PDE3A: variants seen among roughly 807,000 people sequenced by gnomAD.
PDE3A encodes the protein phosphodiesterase 3A, also known as cGMP-inhibited 3',5'-cyclic phosphodiesterase 3A.
PDE3A carries 43 observed loss-of-function variants against 98.3 expected under a neutral mutation model. The observed-to-expected ratio is 0.44, with a 90% confidence interval of 0.34 to 0.56. The LOEUF is 0.56. Among genes scored for constraint, PDE3A ranks in the 20% least tolerant of loss-of-function variants. The pLI, the probability that PDE3A is intolerant of heterozygous loss-of-function variation, is 0.01. For synonymous variants in PDE3A, 663 were observed against 567.9 expected, an observed-to-expected ratio of 1.17 and a Z score of -2.38; for missense variants, 1,427 against 1,440.7, an observed-to-expected ratio of 0.99 and a Z score of 0.15.
chr12:20,454,182 C>T lies in PDE3A; in HGVS notation c.960+83938C>T, dbSNP rs576960816. ...TCAGCTCCTGGCTCTTGCTTGAACC[C>T]GTTAAGCATATATCTTTACCTTGGA... On this transcript the variant is annotated intron_variant, in intron 1 of 15. Coordinates refer to ENST00000359062, the MANE Select transcript of PDE3A (RefSeq NM_000921.5). Among the ~76,000 whole-genome samples, 59 of 152,276 alleles carry T rather than the reference C, an allele frequency of 3.9e-4. 1 individual carries two copies. The highest frequency in any genetic ancestry group is 6.7e-4 in the African/African-American group (28 of 41,566).
At chr12:20,673,163 C>T (rs1017851125) in intron 15 of PDE3A, among the ~76,000 whole-genome samples, 8 of 152,166 alleles carry the variant, frequency 5.3e-5, no homozygotes, top group African/African-American at 1.9e-4. Context: ...CCATCTCACA[C>T]CATTTAGAAT....
chr12:20,563,125 G>T (rs961550200), intron 2 of PDE3A, among the ~76,000 whole-genome samples: 5 of 152,162 alleles, frequency 3.3e-5, no homozygotes, highest in African/African-American at 4.8e-5. Context: ...TTGATGAGGA[G>T]TCATTGTGCT....
At chr12:20,647,653 G>T (rs1467323079) in intron 12 of PDE3A, among the ~76,000 whole-genome samples, 1 of 151,874 alleles carries the variant, frequency 6.6e-6, no homozygotes, top group East Asian at 1.9e-4. Context: ...ATTCAATATT[G>T]ACTTTTCTGT....
chr12:20,396,587 G>A (rs10841504), intron 1 of PDE3A, among the ~76,000 whole-genome samples: 77,635 of 151,862 alleles, frequency 0.51, 20,837 homozygotes, highest in Non-Finnish European at 0.59. Context: ...AGATGATTGA[G>A]TATCAGTTTC....
At chr12:20,609,864 T>C (rs1479391111) in intron 2 of PDE3A, among the ~76,000 whole-genome samples, 1 of 151,970 alleles carries the variant, frequency 6.6e-6, no homozygotes, top group Non-Finnish European at 1.5e-5. Context: ...AATGAAATCG[T>C]ATGTTTATCT....
In PDE3A at chr12:20,369,945, G is replaced by T. The variant is rs1943434297; in HGVS notation, c.661G>T (p.Val221Phe). The change falls in exon 1 of 16, where the codon GTC becomes TTC. Residue 221 changes from valine to phenylalanine, a missense_variant. Val to Phe is a conservative substitution (Grantham distance 50). Transcript: ENST00000359062. ...CCTCATGATCGCCTTGACTAGCGCG[G>T]TCAGGACCGTGTCCCTCATTTCCTT... ...GVLMIALTSA[V>F]RTVSLISLER... 6.2e-7 allele frequency: 1 copy of T among 1,613,458 alleles called. No homozygotes were observed. The highest frequency in any genetic ancestry group is 8.5e-7 in the Non-Finnish European group (1 of 1,180,000).
chr12:20,667,808 G>A lies in PDE3A; in HGVS notation c.3185-12222G>A, dbSNP rs148780862. Among the ~76,000 whole-genome samples the A allele has an allele frequency of 2.8e-4, 42 of 152,220 alleles. No individual in the cohort carries two copies. The East Asian group carries it at 2.9e-3, about 11-fold the overall frequency. On this transcript the variant is annotated intron_variant, in intron 15 of 15. Coordinates refer to ENST00000359062, the MANE Select transcript of PDE3A (RefSeq NM_000921.5). ...TGTTTTTCCTGTTTTTCTGAATAAT[G>A]TATTGGTATTTTAAAAATAAAGATT...
chr12:20,670,384 A>G (rs1945439825), intron 15 of PDE3A, among the ~76,000 whole-genome samples: 1 of 150,798 alleles, frequency 6.6e-6, no homozygotes, highest in African/African-American at 2.5e-5. Context: ...CCCCAAATCA[A>G]TAGAATATAC....
chr12:20,457,504 T>G (rs1945172882), intron 1 of PDE3A, among the ~76,000 whole-genome samples: 1 of 151,854 alleles, frequency 6.6e-6, no homozygotes, highest in Admixed American at 6.6e-5. Context: ...TGTGTTTTAT[T>G]TTTCGTTGTA....
intron 1 of PDE3A, among the ~76,000 whole-genome samples, chr12:20,385,824 G>C (rs1339962711): frequency 2.0e-5 from 3 of 149,196 alleles, no homozygotes; most frequent in Non-Finnish European, 3.0e-5. Flanking sequence ...AGCATTAGGA[G>C]ATATACCTAA....
chr12:20,458,594 T>C (rs1945192450), intron 1 of PDE3A, among the ~76,000 whole-genome samples: 1 of 152,146 alleles, frequency 6.6e-6, no homozygotes, highest in Admixed American at 6.6e-5. Context: ...TTCACTACTA[T>C]AAGCAGAAAA....
chr12:20,648,696 A>C lies in PDE3A; in HGVS notation c.2574A>C (p.Leu858=). Residue 858 remains leucine, a synonymous_variant, in exon 13 of 16, where the codon CTA becomes CTC. Coordinates refer to ENST00000359062, the MANE Select transcript of PDE3A (RefSeq NM_000921.5). The part of the protein sequence containing the change: ...LVATSAPQAV[L]YNDRSVLENH... ...CTGTCTTATTTGCCTAGGCGGTGCT[A>C]TATAACGATCGTTCAGTTTTGGAGA... 1.9e-6 allele frequency: 3 copies of C among 1,602,314 alleles called. No individual in the cohort carries two copies. In the South Asian group the frequency reaches 3.3e-5, roughly 18 times the overall value.
chr12:20,569,127 AG>A (rs1337081481), intron 2 of PDE3A, among the ~76,000 whole-genome samples: 1 of 152,074 alleles, frequency 6.6e-6, no homozygotes, highest in Admixed American at 6.6e-5. Context: ...AAAAAAAGTA[AG>A]ATATTTTATT....
At chr12:20,660,499 G>C (rs56174957) in intron 15 of PDE3A, among the ~76,000 whole-genome samples, 7,336 of 151,642 alleles carry the variant, frequency 0.048, 333 homozygotes, top group African/African-American at 0.11. Context: ...GGAGATTGGA[G>C]GGTCATATGG....
rs753699193 is a variant in PDE3A, at chr12:20,369,804, G to C, written c.520G>C (p.Val174Leu). 3.1e-6 allele frequency: 5 copies of C among 1,612,382 alleles called. No homozygotes were observed. Among genetic ancestry groups the C allele is most frequent in the Admixed American group, 1.7e-5 (1 of 59,964 alleles). The stretch of plus-strand genomic sequence containing the variant: ...CGCCTGCTGCGGGGGGGAAGCGCTC[G>C]TCCAGATTGGGCTGGGCGTCGGGGA... ...LAACCGGEAL[V>L]QIGLGVGEDH... The change falls in exon 1 of 16, where the codon GTC becomes CTC. Residue 174 changes from valine (V) to leucine (L), a missense_variant. Val to Leu is a conservative substitution (Grantham distance 32). This residue lies in a region of PDE3A where 1,012 missense variants were observed against 886.5 expected (regional missense o/e 1.14). Transcript: ENST00000359062.
At chr12:20,415,355 AAG>A (rs1944404906) in intron 1 of PDE3A, among the ~76,000 whole-genome samples, 1 of 152,016 alleles carries the variant, frequency 6.6e-6, no homozygotes, top group Non-Finnish European at 1.5e-5. Context: ...TTTTGTGATA[AAG>A]TATTCAGTTC....
At chr12:20,551,669 C>T (rs900324268) in intron 1 of PDE3A, 7 of 1,605,034 alleles carry the variant, frequency 4.4e-6, no homozygotes, top group African/African-American at 1.3e-5. Flanking sequence ...TGCCTGGACC[C>T]GCCCCTCAGC....
intron 15 of PDE3A, among the ~76,000 whole-genome samples, chr12:20,678,592 G>A (rs1945695772): frequency 6.6e-6 from 1 of 152,158 alleles, no homozygotes. Flanking sequence ...ACTTGTTCCT[G>A]CGTTTGTCTC....
intron 2 of PDE3A, among the ~76,000 whole-genome samples, chr12:20,595,941 A>G (rs2121392296): frequency 6.6e-6 from 1 of 152,294 alleles, no homozygotes; most frequent in African/African-American, 2.4e-5. Flanking sequence ...TTTAATATCA[A>G]TGTTTTTCCT....
Sources: gnomAD v4.1 joint callset for allele counts (sites outside exome capture counted in the v4.1 genomes callset) on GRCh38, gnomAD v4.1.1 for gene constraint, gnomAD v4.1.1 regional missense constraint, MANE v1.5 for transcripts, NCBI Gene and HGNC (gene_info 2026-07-23, HGNC 2026-07-21) for gene names.